The following MAPRE2 variants were observed in gnomAD, a reference collection of about 807,000 sequenced individuals.
The protein encoded by MAPRE2 is microtubule associated protein RP/EB family member 2, also known as microtubule-associated protein RP/EB family member 2.
Under a neutral mutation model 43.2 loss-of-function variants are expected in MAPRE2, and 13 were observed. The observed-to-expected ratio is 0.30, with a 90% CI of 0.20 to 0.48. The LOEUF (loss-of-function observed/expected upper bound fraction) is 0.48. Among genes scored for constraint, MAPRE2 ranks in the 20% least tolerant of loss-of-function variants. The pLI is 0.99. For synonymous variants in MAPRE2, 135 were observed against 148.8 expected, an observed-to-expected ratio of 0.91 and a Z score of 0.68; for missense variants, 161 against 400.2, an observed-to-expected ratio of 0.40 and a Z score of 5.10.
intron 2 of MAPRE2, among the ~76,000 whole-genome samples, chr18:35,091,930 T>G (rs1378501337): frequency 6.6e-6 from 1 of 152,204 alleles, no homozygotes; most frequent in Non-Finnish European, 1.5e-5. Flanking sequence ...CTGTACATAT[T>G]GGCTTCTGCT....
chr18:35,001,258 T>G (rs2097029188), intron 1 of MAPRE2, among the ~76,000 whole-genome samples: 1 of 152,180 alleles, frequency 6.6e-6, no homozygotes, highest in Non-Finnish European at 1.5e-5. Flanking sequence ...ACACCTGTTA[T>G]CCCAGCACTT....
chr18:34,988,235 A>G (rs2097022008), intron 1 of MAPRE2, among the ~76,000 whole-genome samples: 1 of 152,196 alleles, frequency 6.6e-6, no homozygotes, highest in African/African-American at 2.4e-5. Flanking sequence ...TAAAGTTTTT[A>G]AAAGTAACAA....
intron 1 of MAPRE2, among the ~76,000 whole-genome samples, chr18:35,046,732 G>A (rs752687473): frequency 1.2e-4 from 18 of 152,182 alleles, no homozygotes; most frequent in Non-Finnish European, 1.9e-4. Context: ...AATGCCATGC[G>A]AGAGCTTGAG....
chr18:35,065,615 C>A (rs1324950059), intron 1 of MAPRE2, among the ~76,000 whole-genome samples: 3 of 151,428 alleles, frequency 2.0e-5, no homozygotes, highest in Non-Finnish European at 4.4e-5. Flanking sequence ...GTGCAGTGGC[C>A]CAATCTCAAC....
At chr18:34,991,385 C>T (rs1156504946) in intron 1 of MAPRE2, among the ~76,000 whole-genome samples, 2 of 152,136 alleles carry the variant, frequency 1.3e-5, no homozygotes, top group Non-Finnish European at 2.9e-5. Context: ...AGCTTTGGAA[C>T]CAAGTTGTGC....
At chr18:35,119,963 C>T (rs1909599349) in intron 4 of MAPRE2, among the ~76,000 whole-genome samples, 1 of 152,202 alleles carries the variant, frequency 6.6e-6, no homozygotes, top group South Asian at 2.1e-4. Context: ...TTATTGAGCA[C>T]ATGCTGTGTG....
chr18:35,006,587 A>T (rs1172641354), intron 2 of MAPRE2, among the ~76,000 whole-genome samples: 1 of 152,250 alleles, frequency 6.6e-6, no homozygotes, highest in Non-Finnish European at 1.5e-5. Context: ...ATAGCATTTT[A>T]AGAAGTTGTC....
intron 1 of MAPRE2, among the ~76,000 whole-genome samples, chr18:35,069,339 G>T (rs1373674962): frequency 6.6e-6 from 1 of 151,996 alleles, no homozygotes; most frequent in African/African-American, 2.4e-5. Flanking sequence ...ATGCATATTT[G>T]ATATAAGTAA....
chr18:35,143,372 G>A lies in MAPRE2; in HGVS notation c.*3003G>A, dbSNP rs977180298. The A allele has an allele frequency of 6.6e-6, 1 of 151,890 alleles. No homozygotes were observed. The highest frequency in any genetic ancestry group is 2.4e-5 in the African/African-American group (1 of 41,342). The allele number at this position is 151,890 out of a possible 1,614,324, so 9.4% of individuals were successfully genotyped here. A position where few individuals can be genotyped will look rare whatever the true frequency, so the allele number is the denominator to read the frequency against. Reference sequence around the variant, plus strand: ...ATTCATTTTACATTACCCACCTATTGTCGCATGGTAGAATAGTTTTTTGTC... The same window carrying A: ...ATTCATTTTACATTACCCACCTATTATCGCATGGTAGAATAGTTTTTTGTC... On this transcript the variant is annotated 3_prime_UTR_variant, in exon 7 of 7. Transcript: ENST00000300249.
At chr18:35,022,842 T>G (rs1162933834) in intron 2 of MAPRE2, among the ~76,000 whole-genome samples, 3 of 152,206 alleles carry the variant, frequency 2.0e-5, no homozygotes, top group African/African-American at 7.2e-5. Flanking sequence ...CAACAGGTAC[T>G]GTGCCTTGGA....
chr18:35,138,762 C>T (rs1389583069), intron 6 of MAPRE2, among the ~76,000 whole-genome samples: 3 of 152,188 alleles, frequency 2.0e-5, no homozygotes, highest in African/African-American at 7.2e-5. Context: ...GAAACTGGGG[C>T]CCAGAGCAGT....
intron 1 of MAPRE2, among the ~76,000 whole-genome samples, chr18:34,996,124 C>A (rs1364568624): frequency 2.0e-5 from 3 of 152,124 alleles, no homozygotes; most frequent in Admixed American, 2.0e-4. Context: ...AAGAAAACAG[C>A]AGTCAGGAAT....
At chr18:35,061,264 C>T in intron 1 of MAPRE2, among the ~76,000 whole-genome samples, 1 of 152,196 alleles carries the variant, frequency 6.6e-6, no homozygotes, top group South Asian at 2.1e-4. Context: ...TCTCATCTTC[C>T]TCTAAACAGC....
intron 2 of MAPRE2, among the ~76,000 whole-genome samples, chr18:35,080,011 A>G (rs1907556155): frequency 1.3e-5 from 2 of 152,240 alleles, no homozygotes; most frequent in South Asian, 4.1e-4. Flanking sequence ...AAAGAAAGGA[A>G]AGATTATTTC....
chr18:34,996,933 C>T (rs2097026789), intron 1 of MAPRE2, among the ~76,000 whole-genome samples: 1 of 152,154 alleles, frequency 6.6e-6, no homozygotes, highest in South Asian at 2.1e-4. Flanking sequence ...TTTCAACTCT[C>T]CCCTTTACTA....
At chr18:35,034,241 T>A (rs2097049303) in intron 2 of MAPRE2, among the ~76,000 whole-genome samples, 1 of 152,178 alleles carries the variant, frequency 6.6e-6, no homozygotes, top group African/African-American at 2.4e-5. Context: ...TTGACAACCC[T>A]GAGAAAAACA....
At chr18:34,985,760 A>T (rs1163776770) in intron 1 of MAPRE2, among the ~76,000 whole-genome samples, 3 of 135,316 alleles carry the variant, frequency 2.2e-5, no homozygotes, top group Admixed American at 8.7e-5. Context: ...GTAATATATA[A>T]AATATATTAC....
intron 1 of MAPRE2, among the ~76,000 whole-genome samples, chr18:35,048,978 G>C (rs1905796434): frequency 6.6e-6 from 1 of 152,058 alleles, no homozygotes; most frequent in South Asian, 2.1e-4. Context: ...TAAAAAGATG[G>C]TGCTGTTGAT....
chr18:35,032,777 G>T (rs149295506), intron 2 of MAPRE2, among the ~76,000 whole-genome samples: 75 of 152,114 alleles, frequency 4.9e-4, no homozygotes, highest in African/African-American at 1.8e-3. Context: ...CTCCAAACAG[G>T]CACTTTAAAC....
Sources: gnomAD v4.1 joint callset for allele counts (sites outside exome capture counted in the v4.1 genomes callset) on GRCh38, gnomAD v4.1.1 for gene constraint, MANE v1.5 for transcripts, NCBI Gene and HGNC (gene_info 2026-07-23, HGNC 2026-07-21) for gene names.